The following EIF4G3 variants were observed in gnomAD, a reference collection of about 807,000 sequenced individuals.
EIF4G3 encodes eukaryotic translation initiation factor 4 gamma 3.
A neutral mutation model predicts 186.4 loss-of-function variants in EIF4G3; 34 were observed. The observed-to-expected ratio is 0.18, with a 90% confidence interval of 0.14 to 0.24. EIF4G3 has a LOEUF of 0.24. Among genes scored for constraint, EIF4G3 ranks in the 10% least tolerant of loss-of-function variants. The pLI, the probability that EIF4G3 is intolerant of heterozygous loss-of-function variation, is 1.00. For missense variants in EIF4G3, 1,536 were observed against 1,948.5 expected (o/e 0.79, Z 3.99); for synonymous variants, 673 against 679.5 (o/e 0.99, Z 0.15).
chr1:20,944,306 G>C (rs1000491614), intron 13 of EIF4G3, among the ~76,000 whole-genome samples: 13 of 151,886 alleles, frequency 8.6e-5, no homozygotes, highest in Non-Finnish European at 1.9e-4. Flanking sequence ...CTTGAGCCTA[G>C]GAATTTGCGA....
At chr1:21,026,984 A>G (rs1041070146) in intron 4 of EIF4G3, among the ~76,000 whole-genome samples, 6 of 151,670 alleles carry the variant, frequency 4.0e-5, no homozygotes, top group Admixed American at 2.0e-4. Context: ...TAGAACTCCT[A>G]AAACTCAATC....
chr1:21,171,598 G>A (rs760744973), intron 2 of EIF4G3, among the ~76,000 whole-genome samples: 1 of 152,148 alleles, frequency 6.6e-6, no homozygotes, highest in African/African-American at 2.4e-5. Context: ...AGCCACCACA[G>A]AACATGTCAC....
Position 20,860,438 on chromosome 1 carries a change from T to C in EIF4G3, c.3191A>G (p.Gln1064Arg). The C allele has an allele frequency of 5.0e-6, 8 of 1,614,148 alleles. No individual in the cohort carries two copies. Among genetic ancestry groups the C allele is most frequent in the Non-Finnish European group, 6.8e-6 (8 of 1,180,006 alleles). The stretch of plus-strand genomic sequence containing the variant: ...TTGCTGGACCTTCCTTTGCTCTTCT[T>C]GTTCTTCTATTTTAGCCTCTTTGTG... Reference protein sequence around the residue: ...QIHKEAKIEEQEEQRKVQQLM... With the variant: ...QIHKEAKIEEREEQRKVQQLM... Residue 1064 changes from glutamine (Q) to arginine (R), a missense_variant, in exon 24 of 37, where the codon CAA becomes CGA. Around this residue, in one of 11 missense-constraint regions of EIF4G3, gnomAD observed 110 missense variants for 166.2 expected, o/e 0.66. Transcript: ENST00000602326.
chr1:21,052,249 A>G (rs1475592618), intron 3 of EIF4G3, among the ~76,000 whole-genome samples: 1 of 152,152 alleles, frequency 6.6e-6, no homozygotes, highest in Non-Finnish European at 1.5e-5. Flanking sequence ...GTGTCTACCA[A>G]TCAATCCTAG....
In EIF4G3 at chr1:20,827,629, T is replaced by C. The variant is rs1304645482; in HGVS notation, c.4257A>G (p.Leu1419=). The change falls in exon 32 of 37, where the codon CTA becomes CTG. Residue 1419 remains leucine, a synonymous_variant. Coordinates refer to ENST00000602326, the MANE Select transcript of EIF4G3 (RefSeq NM_001391906.1). ...GVLLSEILHL[L]CKQMSHKKVG... ...GTGTAACACTCACCATTTGTTTGCA[T>C]AGTAGGTGCAATATTTCAGATAGCA... 1.1e-5 allele frequency: 17 copies of C among 1,605,974 alleles called. No individual in the cohort carries two copies. Among genetic ancestry groups the C allele is most frequent in the East Asian group, 2.2e-5 (1 of 44,834 alleles).
intron 33 of EIF4G3, among the ~76,000 whole-genome samples, chr1:20,822,312 A>G (rs939254151): frequency 1.3e-4 from 19 of 148,328 alleles, no homozygotes; most frequent in Non-Finnish European, 2.5e-4. Flanking sequence ...TTCACGATCA[A>G]TCTGGCTAGA....
intron 33 of EIF4G3, among the ~76,000 whole-genome samples, chr1:20,819,279 T>C (rs1479876872): frequency 1.3e-5 from 2 of 151,452 alleles, no homozygotes; most frequent in African/African-American, 4.8e-5. Flanking sequence ...CATTTTATTA[T>C]ATATATATTA....
chr1:21,065,663 T>C (rs2154579447), intron 3 of EIF4G3, among the ~76,000 whole-genome samples: 1 of 152,286 alleles, frequency 6.6e-6, no homozygotes, highest in East Asian at 1.9e-4. Flanking sequence ...AGAAACTATA[T>C]AAGCAAATTA....
intron 3 of EIF4G3, among the ~76,000 whole-genome samples, chr1:21,060,446 T>G (rs2094831224): frequency 6.6e-6 from 1 of 152,234 alleles, no homozygotes; most frequent in Non-Finnish European, 1.5e-5. Context: ...AACACACATT[T>G]AAGTCCTTGT....
chr1:20,824,022 C>T lies in EIF4G3; in HGVS notation c.4368+1078G>A, dbSNP rs1223223995. 2.6e-5 allele frequency among the ~76,000 whole-genome samples: 4 copies of T among 152,236 alleles called. No homozygotes were observed. In the East Asian group the frequency reaches 7.7e-4, roughly 29 times the overall value. ...GGGACTAAGTCAACTTTTTCCATGA[C>T]ATCTGACAGCATTTGTAATAGTATC... On this transcript the variant is annotated intron_variant, in intron 33 of 36. Transcript: ENST00000602326.
chr1:21,050,757 TTACTATACAAGTAATGTTTTA>T (rs1358506642), intron 4 of EIF4G3, 88 bp downstream of exon 4: 2 of 611,114 alleles, frequency 3.3e-6, no homozygotes, highest in African/African-American at 3.9e-5. Flanking sequence ...AAACTTGAAA[TTACTATACAAGTAATGTTTTA>T]TGTTACTGCT....
rs76731748 is a variant in EIF4G3 at position 20,926,125 on chromosome 1, A to C, written c.1663+15366T>G. Among the ~76,000 whole-genome samples, 905 of 152,306 alleles carry C rather than the reference A, an allele frequency of 5.9e-3. 15 individuals are homozygous for C. Among genetic ancestry groups the C allele is most frequent in the East Asian group, 0.024 (125 of 5,184 alleles). ...AATGATTTTAACTTTTGAATGCTGA[A>C]GTCTAAGATTTATTTACAGGATATG... is the stretch of plus-strand genomic sequence containing the variant. On this transcript the variant is annotated intron_variant, in intron 14 of 36. Coordinates refer to ENST00000602326, the MANE Select transcript of EIF4G3 (RefSeq NM_001391906.1).
chr1:21,033,383 A>C (rs2092906433), intron 4 of EIF4G3, among the ~76,000 whole-genome samples: 2 of 152,224 alleles, frequency 1.3e-5, no homozygotes, highest in African/African-American at 4.8e-5. Context: ...GAGTTAAGAA[A>C]AAGTTCCAGA....
chr1:20,911,560 C>CAA lies in EIF4G3; in HGVS notation c.1664-6591_1664-6590dup, dbSNP rs60071144. 2.3e-3 allele frequency among the ~76,000 whole-genome samples: 94 copies of CAA among 40,716 alleles called. 7 individuals are homozygous for CAA. Among genetic ancestry groups the CAA allele is most frequent in the East Asian group, 6.6e-3 (7 of 1,064 alleles). The allele number at this position is 40,716 out of a possible 152,430, so 26.7% of individuals were successfully genotyped here. ...TGGGTAACAGACTGAGACCCTGCCT[C>CAA]AAAAAAAAAAAAAAAAAAAAAAAAA... On this transcript the variant is annotated intron_variant, in intron 14 of 36. Coordinates refer to ENST00000602326, the MANE Select transcript of EIF4G3 (RefSeq NM_001391906.1).
At chr1:20,993,557 A>G (rs928592552) in intron 7 of EIF4G3, among the ~76,000 whole-genome samples, 2 of 152,222 alleles carry the variant, frequency 1.3e-5, no homozygotes, top group African/African-American at 4.8e-5. Flanking sequence ...AAAAGTTACT[A>G]TATTTGCTAT....
At chr1:21,061,338 T>C (rs1030987311) in intron 3 of EIF4G3, among the ~76,000 whole-genome samples, 9 of 152,208 alleles carry the variant, frequency 5.9e-5, no homozygotes, top group Non-Finnish European at 1.3e-4. Flanking sequence ...AAGCATTGTA[T>C]ATTTTTGGAT....
At chr1:20,993,782 T>C (rs1158135323) in intron 7 of EIF4G3, among the ~76,000 whole-genome samples, 2 of 152,184 alleles carry the variant, frequency 1.3e-5, no homozygotes, top group Admixed American at 1.3e-4. Context: ...ACTTTAAGTC[T>C]TAAGTATGTA....
At chr1:20,905,225 C>A (rs2091721286) in intron 14 of EIF4G3, among the ~76,000 whole-genome samples, 1 of 152,146 alleles carries the variant, frequency 6.6e-6, no homozygotes, top group Non-Finnish European at 1.5e-5. Context: ...AATATCCCAG[C>A]ATGTAATTCA....
At chr1:20,919,690 G>A (rs749350990) in intron 14 of EIF4G3, among the ~76,000 whole-genome samples, 1 of 152,058 alleles carries the variant, frequency 6.6e-6, no homozygotes, top group Non-Finnish European at 1.5e-5. Context: ...AATTAGAAGG[G>A]AGACACAGCG....
Sources: allele counts gnomAD v4.1 joint callset (sites outside exome capture counted in the v4.1 genomes callset), GRCh38; gene constraint gnomAD v4.1.1; regional missense constraint gnomAD v4.1.1; transcripts MANE v1.5; gene names NCBI Gene and HGNC (gene_info 2026-07-23, HGNC 2026-07-21).